The following TAFA1 variants were observed in gnomAD, a reference collection of about 807,000 sequenced individuals.
The protein encoded by TAFA1 is TAFA chemokine like family member 1.
A neutral mutation model predicts 18.5 loss-of-function variants in TAFA1; 4 were observed. That is an observed-to-expected ratio of 0.22 (90% confidence interval 0.11 to 0.49). TAFA1 has a LOEUF of 0.49. Among genes scored for constraint, TAFA1 ranks in the 20% least tolerant of loss-of-function variants. The probability of loss-of-function intolerance (pLI) is 0.98; values close to 1 mark genes in which losing one functional copy is unlikely to be tolerated. For missense variants in TAFA1, 147 were observed against 169.0 expected (o/e 0.87, Z 0.72); for synonymous variants, 56 against 55.2 (o/e 1.01, Z -0.06).
intron 2 of TAFA1, among the ~76,000 whole-genome samples, chr3:68,371,976 A>G (rs1035610732): frequency 1.3e-5 from 2 of 152,192 alleles, no homozygotes; most frequent in Non-Finnish European, 2.9e-5. Flanking sequence ...GTGAAATTCT[A>G]CTGTGACTAA....
At chr3:68,160,585 T>A (rs1186511878) in intron 2 of TAFA1, among the ~76,000 whole-genome samples, 1 of 152,242 alleles carries the variant, frequency 6.6e-6, no homozygotes, top group Non-Finnish European at 1.5e-5. Context: ...AATAATAGTA[T>A]CCACCTCAGA....
chr3:68,433,055 G>A (rs894828640), intron 3 of TAFA1, among the ~76,000 whole-genome samples: 6 of 151,958 alleles, frequency 3.9e-5, no homozygotes, highest in Non-Finnish European at 8.8e-5. Context: ...GTAGTTATTA[G>A]ACATCTCCGT....
At chr3:68,003,639 AGAG>A (rs1324573984), upstream of TAFA1, among the ~76,000 whole-genome samples, 2 of 149,426 alleles carry the variant, frequency 1.3e-5, no homozygotes, top group Non-Finnish European at 3.0e-5. Flanking sequence ...AACCGTAGTA[AGAG>A]GAAGAAGATG....
chr3:68,274,752 G>A (rs2067760802), intron 2 of TAFA1, among the ~76,000 whole-genome samples: 1 of 152,150 alleles, frequency 6.6e-6, no homozygotes, highest in Admixed American at 6.5e-5. Context: ...TGCCTGTCTA[G>A]CATGTGTATC....
chr3:68,261,812 T>C (rs2067428770), intron 2 of TAFA1, among the ~76,000 whole-genome samples: 1 of 151,960 alleles, frequency 6.6e-6, no homozygotes, highest in Non-Finnish European at 1.5e-5. Flanking sequence ...ATATACTTAA[T>C]GCTAAATGAC....
chr3:68,364,015 T>G (rs1177122848), intron 2 of TAFA1, among the ~76,000 whole-genome samples: 1 of 152,170 alleles, frequency 6.6e-6, no homozygotes, highest in Non-Finnish European at 1.5e-5. Flanking sequence ...TACTAGAGGT[T>G]AGGAATCTCA....
intron 2 of TAFA1, among the ~76,000 whole-genome samples, chr3:68,106,761 C>G (rs1451158832): frequency 6.6e-6 from 1 of 151,946 alleles, no homozygotes; most frequent in Non-Finnish European, 1.5e-5. Context: ...ACCAAATGGG[C>G]AAATGATTTG....
chr3:68,504,534 C>G (rs1424712100), intron 3 of TAFA1, among the ~76,000 whole-genome samples: 4 of 152,142 alleles, frequency 2.6e-5, no homozygotes, highest in Non-Finnish European at 5.9e-5. Flanking sequence ...TTCACCTGGT[C>G]CACACAGGCA....
At chr3:67,992,416 T>C in the TAFA1 span, among the ~76,000 whole-genome samples, 1 of 152,244 alleles carries the variant, frequency 6.6e-6, no homozygotes, top group Non-Finnish European at 1.5e-5. Context: ...AACATTATCA[T>C]TGTTAGCATT....
intron 2 of TAFA1, among the ~76,000 whole-genome samples, chr3:68,233,950 A>G (rs531706507): frequency 2.6e-5 from 4 of 152,338 alleles, no homozygotes; most frequent in African/African-American, 9.6e-5. Context: ...AAATATGAGG[A>G]AGAAGAAAAG....
intron 2 of TAFA1, among the ~76,000 whole-genome samples, chr3:68,147,917 T>G (rs1257620238): frequency 6.6e-6 from 1 of 152,220 alleles, no homozygotes; most frequent in African/African-American, 2.4e-5. Context: ...ATATAAAATA[T>G]AACATTATTG....
chr3:68,083,899 T>C (rs967328738), intron 2 of TAFA1, among the ~76,000 whole-genome samples: 6 of 152,230 alleles, frequency 3.9e-5, no homozygotes, highest in African/African-American at 1.4e-4. Context: ...GACCTGTATA[T>C]TACCACAGGA....
chr3:68,246,857 G>A (rs954228636), intron 2 of TAFA1: 3 of 152,034 alleles, frequency 2.0e-5, no homozygotes, highest in Admixed American at 1.3e-4. Context: ...ATTTTTCCTA[G>A]GTCAAAAGGA....
At chr3:68,110,359 T>G (rs2065250003) in intron 2 of TAFA1, among the ~76,000 whole-genome samples, 1 of 152,216 alleles carries the variant, frequency 6.6e-6, no homozygotes, top group Non-Finnish European at 1.5e-5. Flanking sequence ...TACCACATTT[T>G]CTTTATCCAG....
chr3:68,513,494 T>C (rs990424236), intron 3 of TAFA1, among the ~76,000 whole-genome samples: 1 of 152,222 alleles, frequency 6.6e-6, no homozygotes, highest in Non-Finnish European at 1.5e-5. Flanking sequence ...CTAGTAGTTA[T>C]CTTATTTGAC....
intron 2 of TAFA1, among the ~76,000 whole-genome samples, chr3:68,167,574 C>G (rs2106951276): frequency 1.4e-5 from 1 of 70,438 alleles, no homozygotes; most frequent in South Asian, 5.8e-4. Flanking sequence ...AAGACTCCGT[C>G]TCAAAAAAAA....
At chr3:68,158,670 T>C (rs1393330545) in intron 2 of TAFA1, among the ~76,000 whole-genome samples, 1 of 152,144 alleles carries the variant, frequency 6.6e-6, no homozygotes, top group Non-Finnish European at 1.5e-5. Context: ...ATGCTAGAGT[T>C]GTACTCTGAG....
intron 2 of TAFA1, among the ~76,000 whole-genome samples, chr3:68,022,461 C>T (rs1704711829): frequency 6.6e-6 from 1 of 151,956 alleles, no homozygotes; most frequent in South Asian, 2.1e-4. Context: ...ATCCTTCTTT[C>T]CTTTCTTGGA....
rs544654499 is a variant in TAFA1 at position 68,436,591 on chromosome 3, A to C, written c.259+19171A>C. On this transcript the variant is annotated intron_variant, in intron 3 of 4. Coordinates refer to ENST00000478136, the MANE Select transcript of TAFA1 (RefSeq NM_213609.4). The stretch of plus-strand genomic sequence containing the variant: ...TTGAAATTTCAGCAAGTGTTCATTA[A>C]TTGGTCATCTAATAATGTAGTCCCC... Among the ~76,000 whole-genome samples, 42 of 152,270 alleles carry C rather than the reference A, an allele frequency of 2.8e-4. No individual in the cohort carries two copies. In the East Asian group the frequency reaches 7.9e-3, roughly 29 times the overall value.
Sources: allele counts gnomAD v4.1 joint callset (sites outside exome capture counted in the v4.1 genomes callset), GRCh38; gene constraint gnomAD v4.1.1; transcripts MANE v1.5; gene names NCBI Gene and HGNC (gene_info 2026-07-23, HGNC 2026-07-21).